The following ARGFX variants were observed in gnomAD, a reference collection of about 807,000 sequenced individuals.
The protein encoded by ARGFX is arginine-fifty homeobox.
Under a neutral mutation model 8.0 loss-of-function variants are expected in ARGFX, and 10 were observed. The observed-to-expected ratio is 1.25, with a 90% CI of 0.77 to 2.12. The LOEUF (loss-of-function observed/expected upper bound fraction) is 2.12. ARGFX is among the 30% of genes most tolerant of loss of function. ARGFX has a pLI of 0.00. For missense variants in ARGFX, 282 were observed against 324.3 expected (o/e 0.87, Z 1.00); for synonymous variants, 116 against 117.8 (o/e 0.98, Z 0.10).
rs1338327073 is a variant in ARGFX at position 121,588,446 on chromosome 3, C to T, written c.*1846C>T. Among the ~76,000 whole-genome samples, 1 of 149,192 alleles carries T rather than the reference C, an allele frequency of 6.7e-6. No homozygotes were observed. On this transcript the variant is annotated 3_prime_UTR_variant, in exon 5 of 5. Transcript: ENST00000334384. ...TGAGCTGAGGTCGCACCACTGCACT[C>T]CAGCCTGGACAACAGAGCAAGACTC...
intron 3 of ARGFX, among the ~76,000 whole-genome samples, chr3:121,578,093 C>T (rs1192852547): frequency 6.8e-6 from 1 of 147,720 alleles, no homozygotes; most frequent in Non-Finnish European, 1.5e-5. Flanking sequence ...GCCAAAAGTA[C>T]GTACTCTTAA....
chr3:121,579,788 G>A (rs2048765910), intron 3 of ARGFX, among the ~76,000 whole-genome samples: 1 of 152,030 alleles, frequency 6.6e-6, no homozygotes, highest in Admixed American at 6.6e-5. Flanking sequence ...TTGAGCCCAG[G>A]TGTTAGACAC....
intron 2 of ARGFX, among the ~76,000 whole-genome samples, chr3:121,576,185 C>T (rs1560119926): frequency 1.3e-5 from 2 of 151,870 alleles, no homozygotes; most frequent in South Asian, 2.1e-4. Context: ...CAAGGTCAAG[C>T]AGAATGCTTT....
chr3:121,570,336 A>G (rs1353866980), intron 1 of ARGFX, among the ~76,000 whole-genome samples: 2 of 152,204 alleles, frequency 1.3e-5, no homozygotes, highest in African/African-American at 4.8e-5. Flanking sequence ...GTGGTACAAA[A>G]TCTTTGAAGT....
At chr3:121,578,832 A>C (rs1327896300) in intron 3 of ARGFX, among the ~76,000 whole-genome samples, 2 of 125,272 alleles carry the variant, frequency 1.6e-5, no homozygotes, top group African/African-American at 3.0e-5. Flanking sequence ...CACCACACCC[A>C]GCTATTTTTT....
At chr3:121,577,127 A>T (rs1463544779) in intron 3 of ARGFX, among the ~76,000 whole-genome samples, 2 of 148,522 alleles carry the variant, frequency 1.3e-5, no homozygotes, top group African/African-American at 5.0e-5. Context: ...TTTGTAGTCT[A>T]CTCTCTATAT....
intron 1 of ARGFX, among the ~76,000 whole-genome samples, chr3:121,569,362 C>CTTTTT (rs1193645372): frequency 2.4e-5 from 3 of 125,550 alleles, no homozygotes; most frequent in Non-Finnish European, 3.3e-5. Context: ...AATGTGAAAA[C>CTTTTT]TTTTTTTTTT....
chr3:121,580,510 A>G (rs964875908), intron 3 of ARGFX, among the ~76,000 whole-genome samples: 7 of 150,318 alleles, frequency 4.7e-5, no homozygotes, highest in African/African-American at 1.7e-4. Context: ...GGTTCTCATA[A>G]TTTTTGTAGT....
intron 1 of ARGFX, among the ~76,000 whole-genome samples, chr3:121,570,261 T>G (rs1162188958): frequency 6.6e-6 from 1 of 152,226 alleles, no homozygotes; most frequent in Non-Finnish European, 1.5e-5. Flanking sequence ...ATATTTTCCC[T>G]GGATACGGAA....
At position 121,588,886 on chromosome 3, in the gene ARGFX, C is replaced by T. The variant is rs559527798; in HGVS notation, c.*2286C>T. On this transcript the variant is annotated 3_prime_UTR_variant, in exon 5 of 5. Transcript: ENST00000334384. ...AGTGTGTTCTCCAAACATGATGGAA[C>T]GAAATTAGAAATCAATAAAATTTGG... Among the ~76,000 whole-genome samples, 247 of 152,076 alleles carry T rather than the reference C, an allele frequency of 1.6e-3. 1 individual carries two copies. Among genetic ancestry groups the T allele is most frequent in the African/African-American group, 5.6e-3 (231 of 41,452 alleles).
Position 121,586,749 on chromosome 3 carries a change from T to A in ARGFX, c.*149T>A. On this transcript the variant is annotated 3_prime_UTR_variant, in exon 5 of 5. Transcript: ENST00000334384. ...AATGTTGCAAAAAGAGTTTTCCAAG[T>A]AGAGCTGGGCACTACGTAATCAGCC... The A allele has an allele frequency of 1.4e-6, 1 of 721,382 alleles. No individual in the cohort carries two copies. The highest frequency in any genetic ancestry group is 2.2e-6 in the Non-Finnish European group (1 of 449,870). 44.7% of individuals were successfully genotyped at this position (721,382 alleles called of 1,614,324 possible).
At chr3:121,575,224 G>A (rs1248269845) in intron 2 of ARGFX, among the ~76,000 whole-genome samples, 7 of 151,922 alleles carry the variant, frequency 4.6e-5, no homozygotes, top group Admixed American at 4.6e-4. Flanking sequence ...GGAGGCTGTG[G>A]CAGGAGAATC....
At chr3:121,568,350 G>A (rs933981612) in intron 1 of ARGFX, among the ~76,000 whole-genome samples, 2 of 152,092 alleles carry the variant, frequency 1.3e-5, no homozygotes, top group South Asian at 2.1e-4. Context: ...TGTGTACTTC[G>A]TTCATTGCAG....
At chr3:121,584,204 GAGGAAGGA>G (rs749567796) in intron 3 of ARGFX, among the ~76,000 whole-genome samples, 7,937 of 104,052 alleles carry the variant, frequency 0.076, 344 homozygotes, top group East Asian at 0.11. Context: ...GACAGAGAGA[GAGGAAGGA>G]AGGAAGGAAG....
At chr3:121,581,692 G>A (rs2048780911) in intron 3 of ARGFX, among the ~76,000 whole-genome samples, 1 of 152,068 alleles carries the variant, frequency 6.6e-6, no homozygotes, top group African/African-American at 2.4e-5. Context: ...CTTGAGCCCA[G>A]GGGTTTGAGA....
intron 4 of ARGFX, 62 bp downstream of exon 4, chr3:121,585,127 G>A: frequency 1.3e-6 from 2 of 1,566,692 alleles, no homozygotes; most frequent in East Asian, 2.3e-5. Flanking sequence ...ATCCAGCCTG[G>A]AAATTCCCCA....
At chr3:121,568,052 G>A (rs1256614074) in intron 1 of ARGFX, among the ~76,000 whole-genome samples, 39 bp downstream of exon 1, 1 of 151,988 alleles carries the variant, frequency 6.6e-6, no homozygotes. Context: ...CAGAATGTGG[G>A]GCTTTAAGTG....
chr3:121,575,795 C>T (rs1250136368), intron 2 of ARGFX, among the ~76,000 whole-genome samples: 1 of 152,068 alleles, frequency 6.6e-6, no homozygotes, highest in Non-Finnish European at 1.5e-5. Flanking sequence ...CGCCTGTAGT[C>T]TCAGCTACTT....
In ARGFX at chr3:121,586,342, CAT is replaced by C. The variant is rs769353024; in HGVS notation, c.692_693del (p.Ile231ArgfsTer7). On this transcript the variant is annotated frameshift_variant, in exon 5 of 5. Coordinates refer to ENST00000334384, the MANE Select transcript of ARGFX (RefSeq NM_001012659.2). LOFTEE classifies it low-confidence loss of function (END_TRUNC). ...CTGATGCCTATGACATATTCCAAAT[CAT>C]AGAACTGTACAATCTTCCTGATGAG... ...YSDAYDIFQIIELYNLPDENE... is the reference protein window; with the variant it reads ...YSDAYDIFQIXELYNLPDENE... 1.9e-6 allele frequency: 3 copies of C among 1,614,218 alleles called. No homozygotes were observed. Among genetic ancestry groups the C allele is most frequent in the Non-Finnish European group, 2.5e-6 (3 of 1,180,038 alleles).
Sources: allele counts gnomAD v4.1 joint callset (sites outside exome capture counted in the v4.1 genomes callset), GRCh38; gene constraint gnomAD v4.1.1; transcripts MANE v1.5; gene names NCBI Gene and HGNC (gene_info 2026-07-23, HGNC 2026-07-21).